The following UBR7 variants were observed in gnomAD, a reference collection of about 807,000 sequenced individuals.
UBR7 encodes ubiquitin protein ligase E3 component n-recognin 7.
UBR7 carries 22 observed loss-of-function variants against 57.0 expected under a neutral mutation model. The ratio of observed to expected loss-of-function variants is 0.39; its 90% CI spans 0.28 to 0.55. UBR7 has a LOEUF of 0.55. Ranked by LOEUF, UBR7 falls within the 20% of genes least tolerant of loss-of-function variation. UBR7 has a pLI of 0.69. For synonymous variants in UBR7, 167 were observed against 179.8 expected, an observed-to-expected ratio of 0.93 and a Z score of 0.57; for missense variants, 395 against 513.2, an observed-to-expected ratio of 0.77 and a Z score of 2.23.
chr14:93,217,091 A>G (rs1894607010), intron 6 of UBR7, among the ~76,000 whole-genome samples: 2 of 151,728 alleles, frequency 1.3e-5, no homozygotes, highest in African/African-American at 4.8e-5. Flanking sequence ...CAGTGGCACA[A>G]TCTCTGCTCA....
At chr14:93,224,890 G>A (rs1178984669) in intron 10 of UBR7, among the ~76,000 whole-genome samples, 4 of 151,396 alleles carry the variant, frequency 2.6e-5, no homozygotes, top group Non-Finnish European at 5.9e-5. Context: ...TGATGCTGGT[G>A]CTGTTGCACC....
intron 6 of UBR7, among the ~76,000 whole-genome samples, chr14:93,216,257 G>C (rs1894590048): frequency 6.6e-6 from 1 of 152,156 alleles, no homozygotes; most frequent in African/African-American, 2.4e-5. Context: ...TGTTGCCCAG[G>C]CTGGTCTTGA....
intron 4 of UBR7, among the ~76,000 whole-genome samples, chr14:93,212,569 A>G (rs1342569701): frequency 6.6e-6 from 1 of 152,140 alleles, no homozygotes; most frequent in Non-Finnish European, 1.5e-5. Context: ...AGGCATAACC[A>G]CTGTTAACAC....
chr14:93,211,939 T>C, intron 3 of UBR7, 93 bp from the exon 4 acceptor site: 6 of 984,962 alleles, frequency 6.1e-6, no homozygotes, highest in South Asian at 1.5e-5. Context: ...GGGGAAATAA[T>C]GTGGAAATGT....
intron 8 of UBR7, 127 bp downstream of exon 8, chr14:93,219,488 C>A: frequency 2.4e-6 from 3 of 1,251,598 alleles, no homozygotes; most frequent in South Asian, 1.4e-5. Flanking sequence ...AACACCTGAA[C>A]AATATATTTA....
At chr14:93,223,783 T>C in intron 10 of UBR7, 1 of 739,548 alleles carries the variant, frequency 1.4e-6, no homozygotes. Context: ...CCAGGTGCGG[T>C]GCCAGGCGCC....
At chr14:93,210,595 A>G (rs973867081) in intron 2 of UBR7, 53 bp from the exon 3 acceptor site, 12 of 1,483,262 alleles carry the variant, frequency 8.1e-6, no homozygotes, top group Admixed American at 5.9e-5. Flanking sequence ...AAGAAATTTT[A>G]AATTGGATTT....
Position 93,224,182 on chromosome 14 carries a change from C to A in UBR7, c.1185+1808C>A, listed in dbSNP as rs561497418. 5.5e-5 allele frequency: 31 copies of A among 567,422 alleles called. No homozygotes were observed. In the African/African-American group the frequency reaches 5.6e-4, roughly 10 times the overall value. 35.1% of individuals were successfully genotyped at this position (567,422 alleles called of 1,614,324 possible). On this transcript the variant is annotated intron_variant, in intron 10 of 10. Transcript: ENST00000013070. ...CGCCACCACCCGCAAAAGGTTAGGT[C>A]GTTTTTTTCTTTGTCATAGATGTGG...
rs59595227 is a variant in UBR7, at chr14:93,212,548, T to G, written c.441+421T>G. The stretch of plus-strand genomic sequence containing the variant: ...ACGAGTTCTTCCTCACTTCTGCACC[T>G]CTTACCTCCCAGGCATAACCACTGT... On this transcript the variant is annotated intron_variant, in intron 4 of 10. Coordinates refer to ENST00000013070, the MANE Select transcript of UBR7 (RefSeq NM_175748.4). Among the ~76,000 whole-genome samples the G allele has an allele frequency of 2.9e-3, 447 of 152,356 alleles. 1 individual carries two copies. The highest frequency in any genetic ancestry group is 0.01 in the African/African-American group (429 of 41,584).
chr14:93,223,684 T>G, intron 10 of UBR7: 3 of 1,202,602 alleles, frequency 2.5e-6, no homozygotes, highest in Non-Finnish European at 3.6e-6. Context: ...AACTTGATCT[T>G]GGAGTCGTGG....
chr14:93,210,887 A>G (rs1368705973), intron 3 of UBR7, among the ~76,000 whole-genome samples, 179 bp downstream of exon 3: 6 of 152,250 alleles, frequency 3.9e-5, no homozygotes, highest in Non-Finnish European at 5.9e-5. Context: ...TTGAGAGCCT[A>G]CAAGATAGAT....
intron 10 of UBR7, chr14:93,223,985 A>G: frequency 1.3e-6 from 1 of 757,182 alleles, no homozygotes; most frequent in Non-Finnish European, 2.3e-6. Flanking sequence ...CATCTTTTTT[A>G]ACTGAGATAC....
At position 93,219,360 on chromosome 14, in the gene UBR7, T is replaced by C. The variant is rs1939488069; in HGVS notation, c.959T>C (p.Met320Thr). 1 of 1,614,202 alleles carries C rather than the reference T, an allele frequency of 6.2e-7. No homozygotes were observed. Among genetic ancestry groups the C allele is most frequent in the Non-Finnish European group, 8.5e-7 (1 of 1,180,038 alleles). The change falls in exon 8 of 11, where the codon ATG becomes ACG. Residue 320 changes from methionine (M) to threonine (T), a missense_variant and splice_region_variant. Physicochemically the swap from Met to Thr is moderately conservative, Grantham distance 81. Transcript: ENST00000013070. ...AAGTTGTGTACCTGCCAAGACTGTATGGTAAAGTATCTGATTGTGCTCAGT... is the reference window on the plus strand; with the variant it reads ...AAGTTGTGTACCTGCCAAGACTGTACGGTAAAGTATCTGATTGTGCTCAGT... ...RSKLCTCQDC[M>T]KMYGDLDVLF...
chr14:93,227,971 G>A lies in UBR7; in HGVS notation c.*936G>A. ...TATTTTGATATTCTGTTATGAAAAT[G>A]TTATTAGAACCCCAATAAATTATTA... On this transcript the variant is annotated 3_prime_UTR_variant, in exon 11 of 11. Coordinates refer to ENST00000013070, the MANE Select transcript of UBR7 (RefSeq NM_175748.4). The A allele has an allele frequency of 1.4e-6, 1 of 700,036 alleles. No individual in the cohort carries two copies. Among genetic ancestry groups the A allele is most frequent in the Non-Finnish European group, 2.6e-6 (1 of 384,722 alleles). 43.4% of individuals were successfully genotyped at this position (700,036 alleles called of 1,614,324 possible).
chr14:93,218,411 T>A (rs1894633622), intron 6 of UBR7, 116 bp from the exon 7 acceptor site: 2 of 811,832 alleles, frequency 2.5e-6, no homozygotes, highest in South Asian at 1.8e-5. Flanking sequence ...ACTCTGTCTG[T>A]AAAAAAAAAA....
chr14:93,215,362 A>G (rs1894570072), intron 6 of UBR7, 81 bp downstream of exon 6: 16 of 1,199,246 alleles, frequency 1.3e-5, no homozygotes, highest in Non-Finnish European at 1.9e-5. Flanking sequence ...TTTAGCAACT[A>G]TTTTTAACTG....
chr14:93,220,417 T>C lies in UBR7; in HGVS notation c.1123+6T>C, dbSNP rs1894682147. 1.2e-6 allele frequency: 2 copies of C among 1,613,998 alleles called. No homozygotes were observed. The highest frequency in any genetic ancestry group is 2.7e-5 in the African/African-American group (2 of 75,026). On this transcript the variant is annotated splice_donor_region_variant and intron_variant, in intron 9 of 10. Coordinates refer to ENST00000013070, the MANE Select transcript of UBR7 (RefSeq NM_175748.4). ...GCAAGTGGAACTCATTTGTGGTAAA[T>C]ACTGTGTGTGTGTGAAAATTCATCA...
rs768031472 is a variant in UBR7 at position 93,207,276 on chromosome 14, C to T, written c.-16C>T. On this transcript the variant is annotated 5_prime_UTR_variant, in exon 1 of 11. Transcript: ENST00000013070. ...CCTCCGCCGGGGCCGAGCCGCTGTT[C>T]GGCTGACAGTTGAGGATGGCCGGAG... 4 of 1,551,936 alleles carry T rather than the reference C, an allele frequency of 2.6e-6. No homozygotes were observed. The highest frequency in any genetic ancestry group is 1.4e-5 in the African/African-American group (1 of 73,252).
intron 10 of UBR7, chr14:93,223,800 C>A (rs887306076): frequency 9.4e-6 from 7 of 742,842 alleles, no homozygotes; most frequent in African/African-American, 3.4e-5. Context: ...CGCCCATAGA[C>A]CTCTCGGTAG....
Sources: allele counts gnomAD v4.1 joint callset (sites outside exome capture counted in the v4.1 genomes callset), GRCh38; gene constraint gnomAD v4.1.1; transcripts MANE v1.5; gene names NCBI Gene and HGNC (gene_info 2026-07-23, HGNC 2026-07-21).